SPATA24: variants seen among roughly 807,000 people sequenced by gnomAD.
SPATA24 encodes spermatogenesis associated 24.
Under a neutral mutation model 28.9 loss-of-function variants are expected in SPATA24, and 21 were observed. The ratio of observed to expected loss-of-function variants is 0.73; its 90% CI spans 0.52 to 1.05. SPATA24 has a LOEUF of 1.05. SPATA24 is among the 50% of genes least tolerant of loss of function. SPATA24 has a pLI of 0.00. For missense variants in SPATA24, 215 were observed against 242.9 expected (o/e 0.88, Z 0.76); for synonymous variants, 76 against 89.9 (o/e 0.85, Z 0.88).
At chr5:139,393,138 C>G (rs1340982489), downstream of SPATA24, 42 of 1,532,554 alleles carry the variant, frequency 2.7e-5, 1 homozygote, top group Non-Finnish European at 3.5e-6. Flanking sequence ...GAGGCGCAGG[C>G]AGCCCAGAGC....
At chr5:139,394,872 G>A (rs1281179376), downstream of SPATA24, 1 of 1,521,034 alleles carries the variant, frequency 6.6e-7, no homozygotes. Context: ...TGACGGACAG[G>A]CGAGGCTGCG....
chr5:139,394,637 C>G (rs1475035243), downstream of SPATA24: 2 of 1,534,554 alleles, frequency 1.3e-6, no homozygotes, highest in East Asian at 2.5e-5. Flanking sequence ...GCGGGAGACG[C>G]TGGCCCCGGC....
chr5:139,395,006 C>A (rs1290278899), downstream of SPATA24: 2 of 1,478,540 alleles, frequency 1.4e-6, no homozygotes, highest in South Asian at 1.3e-5. Flanking sequence ...CCGGAGGAGT[C>A]CTGGCGCCGC....
intron 4 of SPATA24, among the ~76,000 whole-genome samples, 167 bp from the exon 5 acceptor site, chr5:139,397,310 G>A (rs1193371326): frequency 6.6e-6 from 1 of 152,098 alleles, no homozygotes; most frequent in Non-Finnish European, 1.5e-5. Flanking sequence ...GCAGTCTTGG[G>A]GGAGTGCAGT....
downstream of SPATA24, chr5:139,394,099 G>A: frequency 6.5e-7 from 1 of 1,549,292 alleles, no homozygotes; most frequent in Non-Finnish European, 8.7e-7. Flanking sequence ...CCCGGGCGCA[G>A]GCTTGTCGCG....
In SPATA24 at chr5:139,403,811, G is replaced by A. The variant is rs528562781; in HGVS notation, c.117+133C>T. On this transcript the variant is annotated intron_variant, in intron 1 of 5. Transcript: ENST00000450845. ...TTTTGGCTCCACCCCTACCGACTGA[G>A]CCCGGCCTCCTCCTGATGACGCCAT... 76 of 742,006 alleles carry A rather than the reference G, an allele frequency of 1.0e-4. No individual in the cohort carries two copies. In the African/African-American group the frequency reaches 1.1e-3, roughly 11 times the overall value. The allele number at this position is 742,006 out of a possible 1,614,324, so 46.0% of individuals were successfully genotyped here.
rs750858918 is a variant in SPATA24 at position 139,401,581 on chromosome 5, G to A, written c.385+174C>T. 101 of 725,878 alleles carry A rather than the reference G, an allele frequency of 1.4e-4. 1 individual carries two copies. Among genetic ancestry groups the A allele is most frequent in the Middle Eastern group, 2.4e-4 (1 of 4,120 alleles). The allele number at this position is 725,878 out of a possible 1,614,324, so 45.0% of individuals were successfully genotyped here. On this transcript the variant is annotated intron_variant, in intron 4 of 5. Coordinates refer to ENST00000450845, the MANE Select transcript of SPATA24 (RefSeq NM_194296.2). ...TACACCGACTGCTTCCCTCATTTCC[G>A]TGGCCTGCCTGGTCCCTTAAGGCCT...
Position 139,402,655 on chromosome 5 carries a change from CTCT to C in SPATA24, c.153_155del (p.Glu52del). ...CCAGCTTCTTCTCCACTGCCTGGAA[CTCT>C]TCTTTACTGACAAAATTTTCGTCCT... On this transcript the variant is annotated inframe_deletion, in exon 2 of 6. Coordinates refer to ENST00000450845, the MANE Select transcript of SPATA24 (RefSeq NM_194296.2). 1 of 1,551,862 alleles carries C rather than the reference CTCT, an allele frequency of 6.4e-7. No homozygotes were observed. The highest frequency in any genetic ancestry group is 1.2e-5 in the South Asian group (1 of 84,062).
downstream of SPATA24, chr5:139,394,886 C>T (rs1270161721): frequency 6.6e-7 from 1 of 1,510,676 alleles, no homozygotes; most frequent in South Asian, 1.2e-5. Context: ...GGCTGCGCGC[C>T]CGCCCCCCGC....
downstream of SPATA24, chr5:139,394,413 G>A: frequency 4.3e-6 from 6 of 1,388,172 alleles, no homozygotes; most frequent in Non-Finnish European, 4.6e-6. Context: ...GCGGCGCGCC[G>A]GCCGCCCTTG....
downstream of SPATA24, chr5:139,393,037 A>G: frequency 1.3e-6 from 2 of 1,522,998 alleles, no homozygotes; most frequent in Non-Finnish European, 8.8e-7. Context: ...CTTGATGAAA[A>G]CGGAAGTGTA....
chr5:139,395,139 G>C (rs1581397418), downstream of SPATA24: 23 of 1,366,842 alleles, frequency 1.7e-5, no homozygotes, highest in East Asian at 7.1e-4. Flanking sequence ...GGTGGCGCCG[G>C]CACTGTCCCC....
downstream of SPATA24, chr5:139,394,713 G>A: frequency 6.5e-7 from 1 of 1,532,990 alleles, no homozygotes. Context: ...CTGCGCCGGA[G>A]CAGCCGAACA....
chr5:139,403,893 A>G, intron 1 of SPATA24, 51 bp downstream of exon 1: 1 of 1,457,276 alleles, frequency 6.9e-7, no homozygotes, highest in Non-Finnish European at 9.4e-7. Flanking sequence ...CCCCGCCCCC[A>G]CCAGTGAGGC....
At chr5:139,395,401 C>T (rs1324358263), downstream of SPATA24, 1 of 302,926 alleles carries the variant, frequency 3.3e-6, no homozygotes, top group Non-Finnish European at 6.1e-6. Context: ...GGCCCAACTC[C>T]ACCTATCACA....
intron 4 of SPATA24, among the ~76,000 whole-genome samples, chr5:139,398,391 G>A (rs1375092391): frequency 3.1e-5 from 4 of 130,090 alleles, no homozygotes; most frequent in Admixed American, 2.6e-4. Context: ...GTGAGACCTC[G>A]CCTCTACAAA....
chr5:139,401,783 C>T lies in SPATA24; in HGVS notation c.357G>A (p.Lys119=), dbSNP rs1158071168. ...VKSKVLQESS[K]KDQLITKCNE... Reference sequence around the variant, plus strand: ...TGCACTTGGTGATGAGCTGGTCCTTCTTGCTGGACTCCTGAAGGACTTTGC... The same window carrying T: ...TGCACTTGGTGATGAGCTGGTCCTTTTTGCTGGACTCCTGAAGGACTTTGC... Residue 119 remains lysine, a synonymous_variant, in exon 4 of 6, where the codon AAG becomes AAA. Transcript: ENST00000450845. The T allele has an allele frequency of 8.4e-6, 13 of 1,551,548 alleles. No individual in the cohort carries two copies. The highest frequency in any genetic ancestry group is 3.6e-5 in the South Asian group (3 of 84,068).
At chr5:139,399,802 G>A (rs1010124601) in intron 4 of SPATA24, among the ~76,000 whole-genome samples, 1 of 152,162 alleles carries the variant, frequency 6.6e-6, no homozygotes, top group Non-Finnish European at 1.5e-5. Context: ...AATATTCTGG[G>A]GGAGGCAGCC....
chr5:139,396,948 G>A lies in SPATA24; in HGVS notation c.489-19C>T. The A allele has an allele frequency of 2.6e-6, 4 of 1,551,652 alleles. No individual in the cohort carries two copies. Among genetic ancestry groups the A allele is most frequent in the Non-Finnish European group, 3.5e-6 (4 of 1,146,938 alleles). Reference sequence around the variant, plus strand: ...GTGATTCCTGCAACGGAGCCGGCTGGTGGTGGGCTGTGGACAGCCAAGGGT... The same window carrying A: ...GTGATTCCTGCAACGGAGCCGGCTGATGGTGGGCTGTGGACAGCCAAGGGT... On this transcript the variant is annotated intron_variant, in intron 5 of 5. Transcript: ENST00000450845.
Sources: allele counts gnomAD v4.1 joint callset (sites outside exome capture counted in the v4.1 genomes callset), GRCh38; gene constraint gnomAD v4.1.1; transcripts MANE v1.5; gene names NCBI Gene and HGNC (gene_info 2026-07-23, HGNC 2026-07-21).